The following NRG1 variants were observed in gnomAD, a reference collection of about 807,000 sequenced individuals.
NRG1 encodes the protein pro-neuregulin-1, membrane-bound isoform.
Under a neutral mutation model 63.8 loss-of-function variants are expected in NRG1, and 18 were observed. The observed-to-expected ratio is 0.28, with a 90% CI of 0.19 to 0.42. The LOEUF (loss-of-function observed/expected upper bound fraction) is 0.42. NRG1 is among the 10% of genes least tolerant of loss of function. The probability of loss-of-function intolerance (pLI) is 1.00; values close to 1 mark genes in which losing one functional copy is unlikely to be tolerated. For missense variants in NRG1, 762 were observed against 814.7 expected, an observed-to-expected ratio of 0.94 and a Z score of 0.79; for synonymous variants, 302 against 301.3, an observed-to-expected ratio of 1.00 and a Z score of -0.02.
intron 1 of NRG1, among the ~76,000 whole-genome samples, chr8:31,699,198 A>T (rs926372981): frequency 5.9e-5 from 9 of 151,970 alleles, no homozygotes; most frequent in African/African-American, 1.7e-4. Flanking sequence ...AGTTAATAAC[A>T]TTTTTTTCCT....
At chr8:32,735,872 AAAC>A (rs1302100697) in intron 6 of NRG1, among the ~76,000 whole-genome samples, 1 of 152,204 alleles carries the variant, frequency 6.6e-6, no homozygotes, top group Non-Finnish European at 1.5e-5. Context: ...GGACATTGAA[AAAC>A]AACATTTGAA....
intron 1 of NRG1, among the ~76,000 whole-genome samples, chr8:32,521,496 A>G (rs1479178099): frequency 1.3e-5 from 2 of 152,214 alleles, no homozygotes; most frequent in Non-Finnish European, 2.9e-5. Flanking sequence ...GAATGCCCCC[A>G]TGAAAAGCAA....
chr8:32,334,138 A>G (rs1802970778), intron 1 of NRG1, among the ~76,000 whole-genome samples: 2 of 152,268 alleles, frequency 1.3e-5, no homozygotes, highest in South Asian at 4.1e-4. Flanking sequence ...ATCACTTACA[A>G]GACTGTTTTT....
chr8:32,148,358 C>T (rs558503845), intron 1 of NRG1, among the ~76,000 whole-genome samples: 2 of 152,262 alleles, frequency 1.3e-5, no homozygotes, highest in East Asian at 1.9e-4. Context: ...TTGAACTTAG[C>T]TCCATATATC....
Position 31,640,616 on chromosome 8 carries a change from C to G in NRG1, c.37+1185C>G. On this transcript the variant is annotated intron_variant, in intron 1 of 10. Transcript: ENST00000519301. The surrounding 1 kb of genome is among the most constrained non-coding windows in gnomAD (Gnocchi z 6.3). Reference sequence around the variant, plus strand: ...AGCAGGTACATCTTCTTCATGGAGCCCGACGCCAACAGCACCAGCCGCGCG... The same window carrying G: ...AGCAGGTACATCTTCTTCATGGAGCGCGACGCCAACAGCACCAGCCGCGCG... The G allele has an allele frequency of 6.2e-7, 1 of 1,611,732 alleles. No homozygotes were observed. The highest frequency in any genetic ancestry group is 8.5e-7 in the Non-Finnish European group (1 of 1,179,518).
In NRG1 at chr8:32,482,811, A is replaced by G. The variant is rs76613609; in HGVS notation, c.38-113017A>G. On this transcript the variant is annotated intron_variant, in intron 1 of 10. Transcript: ENST00000519301. ...TGGGGGAAGAGGGTGGGAACAGGGT[A>G]GTGGAATAACATGCAGACAGATGGG... Among the ~76,000 whole-genome samples, 131 of 152,302 alleles carry G rather than the reference A, an allele frequency of 8.6e-4. 1 individual carries two copies. Among genetic ancestry groups the G allele is most frequent in the Middle Eastern group, 3.4e-3 (1 of 294 alleles).
rs1801956394 is a variant in NRG1, at chr8:32,326,000, C to T, written c.38-269828C>T. ...TTGTCCAACTGATGTTTTCTCTTCA[C>T]ATCAGATGTCACTTTTTTTTTTTTT... is the stretch of plus-strand genomic sequence containing the variant. On this transcript the variant is annotated intron_variant, in intron 1 of 10. Coordinates refer to the NRG1 transcript ENST00000519301. Among the ~76,000 whole-genome samples, 4 of 148,502 alleles carry T rather than the reference C, an allele frequency of 2.7e-5. No homozygotes were observed. In the Admixed American group the frequency reaches 2.7e-4, roughly 10 times the overall value.
chr8:31,772,515 T>C (rs1271016159), intron 1 of NRG1, among the ~76,000 whole-genome samples: 2 of 152,330 alleles, frequency 1.3e-5, no homozygotes, highest in African/African-American at 4.8e-5. Flanking sequence ...TCTATTCTCT[T>C]CTAGCAACTT....
At chr8:32,647,393 A>C in intron 5 of NRG1, 2 of 985,256 alleles carry the variant, frequency 2.0e-6, no homozygotes, top group Non-Finnish European at 2.4e-6. Context: ...TTACTTAATT[A>C]ATCAGCCGGC....
At chr8:31,778,068 G>A (rs1295730895) in intron 1 of NRG1, among the ~76,000 whole-genome samples, 3 of 152,270 alleles carry the variant, frequency 2.0e-5, no homozygotes, top group Middle Eastern at 3.4e-3. Flanking sequence ...TGGGATTCAC[G>A]ATTGGTTAAA....
intron 1 of NRG1, among the ~76,000 whole-genome samples, chr8:32,244,615 A>AG (rs1848435012): frequency 6.6e-6 from 1 of 152,204 alleles, no homozygotes; most frequent in Non-Finnish European, 1.5e-5. Flanking sequence ...CATAGGGATT[A>AG]GGTCACATTC....
intron 7 of NRG1, among the ~76,000 whole-genome samples, chr8:32,747,526 T>C (rs1564095651): frequency 1.3e-5 from 2 of 152,028 alleles, no homozygotes. Context: ...TTATCTGGAT[T>C]TGAATAAATT....
chr8:31,861,484 CAAGGAG>C (rs1000127371), intron 1 of NRG1, among the ~76,000 whole-genome samples: 8 of 151,930 alleles, frequency 5.3e-5, no homozygotes, highest in Non-Finnish European at 7.4e-5. Context: ...TGAAGAGGAA[CAAGGAG>C]AAGGAGAAGG....
chr8:32,417,085 A>G (rs1816027458), intron 1 of NRG1, among the ~76,000 whole-genome samples: 3 of 152,292 alleles, frequency 2.0e-5, no homozygotes, highest in African/African-American at 7.2e-5. Flanking sequence ...TAAAAAGGGA[A>G]AGGCCTCAGC....
At chr8:32,107,220 GA>G (rs5890624) in intron 1 of NRG1, among the ~76,000 whole-genome samples, 151,226 of 151,620 alleles carry the variant, frequency 1, 75,416 homozygotes, top group Middle Eastern at 1. Context: ...AGTCTTAAAA[GA>G]AAAAAAAAAA....
At chr8:32,062,044 A>G (rs1823964135) in intron 1 of NRG1, among the ~76,000 whole-genome samples, 1 of 151,938 alleles carries the variant, frequency 6.6e-6, no homozygotes, top group Non-Finnish European at 1.5e-5. Flanking sequence ...GTAGAGCACA[A>G]AAGTTCTCCT....
chr8:32,651,555 G>A (rs951509450), intron 5 of NRG1, among the ~76,000 whole-genome samples: 2 of 152,220 alleles, frequency 1.3e-5, no homozygotes, highest in Admixed American at 1.3e-4. Context: ...GAAAGAAAAT[G>A]TTTTCTGGAT....
chr8:32,645,086 A>G (rs1853229034), intron 5 of NRG1, among the ~76,000 whole-genome samples: 1 of 152,188 alleles, frequency 6.6e-6, no homozygotes, highest in African/African-American at 2.4e-5. Flanking sequence ...CTTTTTGAAG[A>G]AATCATAAAT....
chr8:31,915,471 T>G (rs920117806), intron 1 of NRG1, among the ~76,000 whole-genome samples: 1 of 152,136 alleles, frequency 6.6e-6, no homozygotes, highest in Non-Finnish European at 1.5e-5. Context: ...TCAGCTTACC[T>G]TTTTCTGACT....
Sources: allele counts gnomAD v4.1 joint callset (sites outside exome capture counted in the v4.1 genomes callset), GRCh38; gene constraint gnomAD v4.1.1; non-coding constraint Gnocchi (gnomAD v3.1); transcripts MANE v1.5; gene names NCBI Gene and HGNC (gene_info 2026-07-23, HGNC 2026-07-21).